SYBU: variants seen among roughly 807,000 people sequenced by gnomAD.
SYBU encodes GOLSYN A protein.
Under a neutral mutation model 35.9 loss-of-function variants are expected in SYBU, and 21 were observed. That is an observed-to-expected ratio of 0.58 (90% CI 0.41 to 0.84). The LOEUF (loss-of-function observed/expected upper bound fraction) is 0.84, where lower values mean the gene tolerates loss of function less well. Among genes scored for constraint, SYBU ranks in the 40% least tolerant of loss-of-function variants. The pLI is 0.00. For synonymous variants in SYBU, 319 were observed against 324.3 expected (o/e 0.98, Z 0.18); for missense variants, 768 against 848.2 (o/e 0.91, Z 1.17).
At chr8:109,663,515 A>T (rs1014445185) in intron 1 of SYBU, among the ~76,000 whole-genome samples, 8 of 152,146 alleles carry the variant, frequency 5.3e-5, no homozygotes, top group Admixed American at 2.0e-4. Context: ...TAGGCTTTGG[A>T]AACTGGTCGG....
upstream of SYBU, chr8:109,646,220 AGCAGT>A (rs999156369): frequency 2.0e-4 from 15 of 73,746 alleles, no homozygotes; most frequent in African/African-American, 1.7e-3. Flanking sequence ...GAATATTCCA[AGCAGT>A]GCGACACTCT....
chr8:109,659,506 G>A (rs1415527188), intron 1 of SYBU, among the ~76,000 whole-genome samples: 1 of 152,116 alleles, frequency 6.6e-6, no homozygotes, highest in African/African-American at 2.4e-5. Context: ...TTAATGAGAA[G>A]CCCATGATGC....
intron 1 of SYBU, among the ~76,000 whole-genome samples, chr8:109,677,143 T>C (rs1324525284): frequency 6.6e-6 from 1 of 152,192 alleles, no homozygotes; most frequent in East Asian, 1.9e-4. Flanking sequence ...TTAAGATTTG[T>C]GAGAGACCTT....
chr8:109,594,336 G>A (rs1824617073), intron 3 of SYBU, among the ~76,000 whole-genome samples: 1 of 152,096 alleles, frequency 6.6e-6, no homozygotes. Context: ...AGGAAAAGAT[G>A]AGAATGTTTT....
intron 6 of SYBU, 47 bp from the exon 7 acceptor site, chr8:109,576,060 A>T: frequency 1.3e-6 from 2 of 1,496,864 alleles, no homozygotes; most frequent in Non-Finnish European, 1.8e-6. Flanking sequence ...AAAAAAAAAA[A>T]AAAAAAAAAA....
intron 1 of SYBU, among the ~76,000 whole-genome samples, chr8:109,653,732 C>A (rs57285880): frequency 0.059 from 9,037 of 152,154 alleles, 798 homozygotes; most frequent in African/African-American, 0.19. Context: ...GTACAGATGG[C>A]CATTTCTCCT....
intron 1 of SYBU, among the ~76,000 whole-genome samples, chr8:109,653,154 G>T (rs1420202830): frequency 2.0e-5 from 3 of 151,888 alleles, no homozygotes; most frequent in Admixed American, 6.6e-5. Context: ...ATGTTCATAT[G>T]GTCACTACAT....
chr8:109,603,990 C>T (rs1426405745), intron 3 of SYBU, among the ~76,000 whole-genome samples: 3 of 151,778 alleles, frequency 2.0e-5, no homozygotes, highest in Non-Finnish European at 2.9e-5. Context: ...TTATGCATCA[C>T]ATTATATGTA....
At chr8:109,656,187 G>C (rs1816347109) in intron 1 of SYBU, among the ~76,000 whole-genome samples, 1 of 152,186 alleles carries the variant, frequency 6.6e-6, no homozygotes, top group Non-Finnish European at 1.5e-5. Context: ...TTTGGCAAGA[G>C]AGTATTAGAA....
At chr8:109,576,118 A>C in intron 6 of SYBU, 105 bp from the exon 7 acceptor site, 1 of 1,333,434 alleles carries the variant, frequency 7.5e-7, no homozygotes, top group South Asian at 1.6e-5. Context: ...CACAGAGCCA[A>C]GAGCTCATAC....
chr8:109,659,000 C>A (rs1467564153), intron 1 of SYBU, among the ~76,000 whole-genome samples: 1 of 151,942 alleles, frequency 6.6e-6, no homozygotes, highest in Non-Finnish European at 1.5e-5. Flanking sequence ...AAACCTTCTG[C>A]ATTCACCTGC....
chr8:109,629,300 T>C (rs1250387126), intron 2 of SYBU, among the ~76,000 whole-genome samples: 2 of 152,194 alleles, frequency 1.3e-5, no homozygotes, highest in African/African-American at 4.8e-5. Flanking sequence ...ATTTACTGAG[T>C]GCCTATTAAC....
At chr8:109,652,397 T>C (rs1816184359) in intron 1 of SYBU, among the ~76,000 whole-genome samples, 1 of 152,028 alleles carries the variant, frequency 6.6e-6, no homozygotes, top group Non-Finnish European at 1.5e-5. Context: ...CTCTCCCTTT[T>C]TTTTCCCTAC....
intron 3 of SYBU, among the ~76,000 whole-genome samples, chr8:109,600,374 C>A (rs1825382155): frequency 6.6e-6 from 1 of 152,134 alleles, no homozygotes; most frequent in Non-Finnish European, 1.5e-5. Context: ...TATGCCCAAA[C>A]CTCTTAAAAG....
intron 1 of SYBU, among the ~76,000 whole-genome samples, chr8:109,672,671 A>T (rs1018676344): frequency 5.9e-5 from 9 of 152,202 alleles, no homozygotes; most frequent in African/African-American, 1.7e-4. Context: ...CTGGAATGCC[A>T]GCGAGACAGA....
In SYBU at chr8:109,642,893, G is replaced by T; in HGVS notation, c.64C>A (p.Arg22=). ...RVQHHDKEIS[R]SRIPRLILRP... Reference sequence around the variant, plus strand: ...AGAATCAACCGGGGAATTCGGCTTCGAGAAATCTCCTTGTCATGATGCTGC... The same window carrying T: ...AGAATCAACCGGGGAATTCGGCTTCTAGAAATCTCCTTGTCATGATGCTGC... The change falls in exon 2 of 7, where the codon CGA becomes AGA. Residue 22 remains arginine (R), a synonymous_variant. Coordinates refer to ENST00000276646, the MANE Select transcript of SYBU (RefSeq NM_001099754.2). 1 of 1,586,212 alleles carries T rather than the reference G, an allele frequency of 6.3e-7. No homozygotes were observed. The highest frequency in any genetic ancestry group is 8.6e-7 in the Non-Finnish European group (1 of 1,164,836).
intron 1 of SYBU, among the ~76,000 whole-genome samples, chr8:109,679,000 G>C (rs1259021072): frequency 1.3e-5 from 2 of 152,094 alleles, no homozygotes; most frequent in Non-Finnish European, 1.5e-5. Context: ...ACAAGGTACA[G>C]GTCAAAAAGA....
chr8:109,647,940 T>C (rs2130703141), upstream of SYBU: 1 of 152,320 alleles, frequency 6.6e-6, no homozygotes, highest in Non-Finnish European at 1.5e-5. Context: ...AAAAGGCAAG[T>C]TTTACCGATG....
At chr8:109,593,984 T>C (rs1418286086) in intron 3 of SYBU, among the ~76,000 whole-genome samples, 1 of 152,264 alleles carries the variant, frequency 6.6e-6, no homozygotes, top group Non-Finnish European at 1.5e-5. Context: ...GACTTATCTT[T>C]GATTTCTTGT....
Sources: allele counts gnomAD v4.1 joint callset (sites outside exome capture counted in the v4.1 genomes callset), GRCh38; gene constraint gnomAD v4.1.1; transcripts MANE v1.5; gene names NCBI Gene and HGNC (gene_info 2026-07-23, HGNC 2026-07-21).